MRLN: variants seen among roughly 807,000 people sequenced by gnomAD.
The protein encoded by MRLN is Linc-RNA activator of myogenesis.
rs145022139 is a variant in MRLN, at chr10:59,737,082, A to G, written c.119T>C (p.Ile40Thr). The change falls in exon 3 of 3, where the codon ATA becomes ACA. Residue 40 changes from isoleucine (I) to threonine (T), a missense_variant. Ile to Thr is a moderately conservative substitution (Grantham distance 89). Transcript: ENST00000414264. ...TTTCTAAGAAGTTATCACAACATAT[A>G]TAATAGAAATTAAGTCAACAAAGAT... ...FVIFVDLISI[I>T]YVVITS 304 of 397,524 alleles carry G rather than the reference A, an allele frequency of 7.6e-4. 3 individuals carry two copies. Among genetic ancestry groups the G allele is most frequent in the Middle Eastern group, 2.5e-3 (4 of 1,576 alleles). 24.6% of individuals were successfully genotyped at this position (397,524 alleles called of 1,614,324 possible). A position where few individuals can be genotyped will look rare whatever the true frequency, so the allele number is the denominator to read the frequency against.
chr10:59,741,659 C>G (rs1389911557), intron 1 of MRLN, among the ~76,000 whole-genome samples: 1 of 152,166 alleles, frequency 6.6e-6, no homozygotes. Flanking sequence ...GCTAGGATTA[C>G]AGAGGTGAGC....
At chr10:59,741,488 T>C (rs1840983253) in intron 1 of MRLN, among the ~76,000 whole-genome samples, 1 of 152,210 alleles carries the variant, frequency 6.6e-6, no homozygotes, top group Non-Finnish European at 1.5e-5. Flanking sequence ...GCTCAAGCGA[T>C]GCTCCCACCT....
At chr10:59,741,220 CT>C (rs1253919286) in intron 1 of MRLN, among the ~76,000 whole-genome samples, 1 of 152,126 alleles carries the variant, frequency 6.6e-6, no homozygotes, top group Non-Finnish European at 1.5e-5. Context: ...TGTCCTAGGC[CT>C]TCAAATTCAC....
intron 1 of MRLN, among the ~76,000 whole-genome samples, chr10:59,751,669 C>CAA (rs10652105): frequency 0.3 from 24,501 of 82,038 alleles, 4,706 homozygotes; most frequent in Middle Eastern, 0.5. Flanking sequence ...GACTCTGTCT[C>CAA]AAAAAAAAAA....
chr10:59,740,620 A>G (rs1840972853), intron 1 of MRLN, among the ~76,000 whole-genome samples: 1 of 152,186 alleles, frequency 6.6e-6, no homozygotes, highest in Non-Finnish European at 1.5e-5. Flanking sequence ...ATTAGGATAT[A>G]AAGAAAGAAA....
intron 1 of MRLN, among the ~76,000 whole-genome samples, chr10:59,745,975 G>A (rs1841040316): frequency 1.3e-5 from 2 of 152,082 alleles, no homozygotes; most frequent in Admixed American, 6.5e-5. Context: ...CGAGTTCTGA[G>A]ACTTCACACT....
chr10:59,743,372 C>T (rs1841005022), intron 1 of MRLN, among the ~76,000 whole-genome samples: 1 of 152,038 alleles, frequency 6.6e-6, no homozygotes, highest in Admixed American at 6.6e-5. Context: ...TTTTGTCAAA[C>T]CAATCATTAT....
intron 1 of MRLN, among the ~76,000 whole-genome samples, chr10:59,750,750 G>A (rs1333326128): frequency 2.0e-5 from 3 of 152,334 alleles, no homozygotes; most frequent in East Asian, 1.9e-4. Flanking sequence ...TGAAATGCCC[G>A]GAGCCCTGGC....
intron 1 of MRLN, among the ~76,000 whole-genome samples, chr10:59,745,682 T>C (rs1176006068): frequency 6.7e-6 from 1 of 149,828 alleles, no homozygotes; most frequent in East Asian, 1.9e-4. Flanking sequence ...CTAATTTAAA[T>C]TGACCTGTTC....
At chr10:59,737,243 C>A (rs933045506) in intron 2 of MRLN, 23 bp from the exon 3 acceptor site, 2 of 392,820 alleles carry the variant, frequency 5.1e-6, no homozygotes, top group Non-Finnish European at 9.0e-6. Flanking sequence ...AGAAAAGTAT[C>A]CTCAAATGAA....
chr10:59,738,416 C>CA (rs1485200191), intron 2 of MRLN, 43 bp downstream of exon 2: 13 of 152,158 alleles, frequency 8.5e-5, no homozygotes, highest in Non-Finnish European at 1.8e-4. Context: ...GGGGAATAGA[C>CA]AATTAGTGAG....
At chr10:59,750,946 G>A (rs546520659) in intron 1 of MRLN, among the ~76,000 whole-genome samples, 33 of 152,376 alleles carry the variant, frequency 2.2e-4, no homozygotes, top group African/African-American at 7.5e-4. Flanking sequence ...ATATCCAAAT[G>A]AGTGTCATTC....
At chr10:59,750,315 T>C (rs754988838) in intron 1 of MRLN, among the ~76,000 whole-genome samples, 2 of 151,962 alleles carry the variant, frequency 1.3e-5, no homozygotes, top group Non-Finnish European at 2.9e-5. Flanking sequence ...AGGTGATCCA[T>C]CCTCCTTGGC....
At chr10:59,750,368 GC>G (rs1841089248) in intron 1 of MRLN, among the ~76,000 whole-genome samples, 1 of 152,170 alleles carries the variant, frequency 6.6e-6, no homozygotes, top group Non-Finnish European at 1.5e-5. Context: ...ATCACGCCCA[GC>G]CCACTTGCTT....
chr10:59,748,949 G>A lies in MRLN; in HGVS notation c.-125+4405C>T, dbSNP rs565636181. On this transcript the variant is annotated intron_variant, in intron 1 of 2. Transcript: ENST00000414264. The stretch of plus-strand genomic sequence containing the variant: ...GCAGAGAATTTGACAAGTGGACTTC[G>A]ACTGAACACAGAAACATGTTAGTCA... 5.3e-5 allele frequency among the ~76,000 whole-genome samples: 8 copies of A among 152,312 alleles called. 1 individual carries two copies. The South Asian group carries it at 6.2e-4, about 12-fold the overall frequency.
intron 1 of MRLN, among the ~76,000 whole-genome samples, chr10:59,743,869 T>C (rs1329081255): frequency 2.0e-5 from 3 of 152,182 alleles, no homozygotes; most frequent in Non-Finnish European, 4.4e-5. Flanking sequence ...TTTCGCCATG[T>C]TGGCCGGGCT....
intron 1 of MRLN, among the ~76,000 whole-genome samples, chr10:59,747,360 C>A (rs1431411687): frequency 1.3e-5 from 2 of 152,230 alleles, no homozygotes; most frequent in Non-Finnish European, 2.9e-5. Context: ...TACGTTAACT[C>A]TGTGCCTCAG....
intron 1 of MRLN, among the ~76,000 whole-genome samples, chr10:59,752,693 G>T (rs190772098): frequency 6.6e-6 from 1 of 152,334 alleles, no homozygotes; most frequent in African/African-American, 2.4e-5. Context: ...AGAGAACCAA[G>T]CGGGGCATTG....
At chr10:59,752,624 A>G (rs1305391486) in intron 1 of MRLN, among the ~76,000 whole-genome samples, 1 of 152,206 alleles carries the variant, frequency 6.6e-6, no homozygotes, top group African/African-American at 2.4e-5. Context: ...CAAAGCAGAA[A>G]GCTATATTAG....
Sources: allele counts gnomAD v4.1 joint callset (sites outside exome capture counted in the v4.1 genomes callset), GRCh38; gene constraint gnomAD v4.1.1; transcripts MANE v1.5; gene names NCBI Gene and HGNC (gene_info 2026-07-23, HGNC 2026-07-21).